The following N4BP2L2 variants were observed in gnomAD, a reference collection of about 807,000 sequenced individuals.
The protein encoded by N4BP2L2 is NEDD4 binding protein 2 like 2.
In N4BP2L2, 50 loss-of-function variants were observed where a neutral mutation model predicts 56.2. The observed-to-expected ratio is 0.89, with a 90% CI of 0.71 to 1.13. The LOEUF (loss-of-function observed/expected upper bound fraction) is 1.13, where lower values mean the gene tolerates loss of function less well. N4BP2L2 is among the 50% of genes most tolerant of loss of function. The probability of loss-of-function intolerance (pLI) is 0.00; values close to 1 mark genes in which losing one functional copy is unlikely to be tolerated. For synonymous variants in N4BP2L2, 203 were observed against 223.6 expected (o/e 0.91, Z 0.82); for missense variants, 689 against 693.8 (o/e 0.99, Z 0.08).
chr13:32,515,276 T>A (rs207644), exon 6 of N4BP2L2: 49,548 of 151,976 alleles, frequency 0.33, 8,520 homozygotes, highest in East Asian at 0.46. Flanking sequence ...TACAAAAAAA[T>A]TTTTTTAATG....
At chr13:32,512,114 A>G (rs756058924) in exon 6 of N4BP2L2, 5 of 152,206 alleles carry the variant, frequency 3.3e-5, no homozygotes, top group Non-Finnish European at 7.3e-5. Flanking sequence ...AATAAAGTAT[A>G]TTTCAATGGA....
chr13:32,484,296 C>T (rs58891652), intron 6 of N4BP2L2, among the ~76,000 whole-genome samples: 6,880 of 152,186 alleles, frequency 0.045, 501 homozygotes, highest in African/African-American at 0.16. Flanking sequence ...CACTGCACTG[C>T]AGGCTGGGTG....
At chr13:32,438,289 G>A (rs2075753654) in intron 8 of N4BP2L2, among the ~76,000 whole-genome samples, 1 of 152,178 alleles carries the variant, frequency 6.6e-6, no homozygotes, top group South Asian at 2.1e-4. Flanking sequence ...TTGCAACAAC[G>A]TGGATGAACC....
chr13:32,481,358 C>T (rs1419905266), intron 6 of N4BP2L2, among the ~76,000 whole-genome samples: 3 of 152,154 alleles, frequency 2.0e-5, no homozygotes, highest in Non-Finnish European at 4.4e-5. Flanking sequence ...CTAAACTCTT[C>T]TGTGGACTAG....
intron 2 of N4BP2L2, among the ~76,000 whole-genome samples, chr13:32,532,447 C>A (rs2055095694): frequency 6.6e-6 from 1 of 151,956 alleles, no homozygotes. Flanking sequence ...AAGATAGGGG[C>A]TTTAAATATT....
chr13:32,480,150 GAAC>G (rs1261855521), intron 6 of N4BP2L2, among the ~76,000 whole-genome samples: 1 of 152,142 alleles, frequency 6.6e-6, no homozygotes, highest in African/African-American at 2.4e-5. Context: ...ATCTTCACAG[GAAC>G]AACAATTAGA....
chr13:32,536,665 T>A (rs1048294006), exon 2 of N4BP2L2: 5 of 1,614,020 alleles, frequency 3.1e-6, no homozygotes, highest in Admixed American at 1.7e-5. Context: ...CTATAAATGC[T>A]TTACTTGTGC....
chr13:32,483,990 G>GAA (rs11424749), intron 6 of N4BP2L2, among the ~76,000 whole-genome samples: 3,974 of 118,762 alleles, frequency 0.033, 97 homozygotes, highest in African/African-American at 0.067. Context: ...ATCTAAAAAA[G>GAA]AAAAAAAAAA....
chr13:32,525,647 C>A (rs2052512925), intron 3 of N4BP2L2: 2 of 152,158 alleles, frequency 1.3e-5, no homozygotes, highest in African/African-American at 4.8e-5. Context: ...CTAGCCTGGG[C>A]AACAAAGCAA....
chr13:32,517,845 G>T, exon 6 of N4BP2L2: 1 of 1,613,878 alleles, frequency 6.2e-7, no homozygotes. Flanking sequence ...TGAGCCAAGA[G>T]AGCCTCCCCA....
intron 6 of N4BP2L2, among the ~76,000 whole-genome samples, chr13:32,452,346 C>A (rs1389130522): frequency 6.6e-6 from 1 of 151,938 alleles, no homozygotes. Flanking sequence ...CAGGCGTGAG[C>A]CACTGCGCCC....
intron 1 of N4BP2L2, 118 bp downstream of exon 1, chr13:32,538,500 A>G (rs1283743318): frequency 8.3e-6 from 5 of 600,508 alleles, no homozygotes; most frequent in Non-Finnish European, 8.4e-6. Flanking sequence ...CTGAGGCGCA[A>G]AAGTTCACAC....
At position 32,443,850 on chromosome 13, in the gene N4BP2L2, A is replaced by G. The variant is rs2076657217; in HGVS notation, c.642T>C (p.Asn214=). Residue 214 remains asparagine, a synonymous_variant, in exon 7 of 10, where the codon AAT becomes AAC. Coordinates refer to the N4BP2L2 transcript ENST00000357505. ...TTTGGAAACTGTCTTTAGGATCTTT[A>G]TTTTTCCATCTTTTTTCTTTATATC... 2.5e-6 allele frequency: 4 copies of G among 1,574,688 alleles called. No homozygotes were observed. In the South Asian group the frequency reaches 4.8e-5, roughly 19 times the overall value.
intron 7 of N4BP2L2, among the ~76,000 whole-genome samples, chr13:32,438,920 C>T (rs539742690): frequency 5.7e-4 from 87 of 152,366 alleles, no homozygotes; most frequent in African/African-American, 2.0e-3. Flanking sequence ...ACTATCCAGA[C>T]TCCAATACTA....
intron 6 of N4BP2L2, chr13:32,478,499 A>G (rs1229166630): frequency 6.4e-6 from 1 of 156,444 alleles, no homozygotes; most frequent in Non-Finnish European, 1.4e-5. Flanking sequence ...ATACTCTGTC[A>G]CCACAGAAGC....
intron 6 of N4BP2L2, among the ~76,000 whole-genome samples, chr13:32,503,580 C>T (rs1379638239): frequency 2.0e-5 from 3 of 152,096 alleles, no homozygotes; most frequent in Non-Finnish European, 2.9e-5. Flanking sequence ...AATAAATGTT[C>T]AATGCAAGTC....
rs34539888 is a variant in N4BP2L2, at chr13:32,442,466, G to A, written c.2026C>T (p.Arg676Cys). The change falls in exon 7 of 10, where the codon CGT (arginine) becomes TGT (cysteine). Residue 676 changes from arginine to cysteine, a missense_variant. Coordinates refer to the N4BP2L2 transcript ENST00000357505. ...TGTGATAATGGTAGCTCAAGGGAAC[G>A]GTAGTCAGTGCTTGTTAAGTCTTGG... 3.2e-5 allele frequency: 51 copies of A among 1,612,892 alleles called. 1 individual carries two copies. In the South Asian group the frequency reaches 4.8e-4, roughly 15 times the overall value.
chr13:32,447,787 T>C (rs1341354636), intron 6 of N4BP2L2, among the ~76,000 whole-genome samples: 1 of 152,224 alleles, frequency 6.6e-6, no homozygotes, highest in Non-Finnish European at 1.5e-5. Context: ...AGGACCCTGC[T>C]AATGTCTTTT....
chr13:32,479,843 A>G (rs908241646), intron 6 of N4BP2L2, among the ~76,000 whole-genome samples: 2 of 152,074 alleles, frequency 1.3e-5, no homozygotes, highest in Admixed American at 1.3e-4. Flanking sequence ...AGATCAACAG[A>G]CATATAACTG....
Sources: gnomAD v4.1 joint callset for allele counts (sites outside exome capture counted in the v4.1 genomes callset) on GRCh38, gnomAD v4.1.1 for gene constraint, MANE v1.5 for transcripts, NCBI Gene and HGNC (gene_info 2026-07-23, HGNC 2026-07-21) for gene names.